Variants in COL11A2 observed in about 807,000 individuals in gnomAD.
The protein encoded by COL11A2 is collagen type XI alpha 2 chain, also known as collagen alpha-2(XI) chain.
Under a neutral mutation model 273.4 loss-of-function variants are expected in COL11A2, and 116 were observed. The observed-to-expected ratio is 0.42, with a 90% CI of 0.36 to 0.49. COL11A2 has a LOEUF of 0.49. COL11A2 is among the 20% of genes least tolerant of loss of function. The probability of loss-of-function intolerance (pLI) is 0.00; values close to 1 mark genes in which losing one functional copy is unlikely to be tolerated. For synonymous variants in COL11A2, 782 were observed against 864.2 expected, an observed-to-expected ratio of 0.90 and a Z score of 1.67; for missense variants, 1,866 against 2,309.0, an observed-to-expected ratio of 0.81 and a Z score of 3.93.
At chr6:33,175,763 C>T (rs866999331) in intron 29 of COL11A2, 82 bp from the exon 30 acceptor site, 1 of 1,365,310 alleles carries the variant, frequency 7.3e-7, no homozygotes, top group Non-Finnish European at 1.0e-6. Flanking sequence ...AACAGTGAGG[C>T]TGAGGAGGGC....
chr6:33,167,540 C>T lies in COL11A2; in HGVS notation c.4015-7G>A. The T allele has an allele frequency of 5.6e-6, 9 of 1,612,714 alleles. No individual in the cohort carries two copies. Among genetic ancestry groups the T allele is most frequent in the Non-Finnish European group, 7.6e-6 (9 of 1,179,936 alleles). ...CTATAGCGCCAGGATCTCCCTGAAA[C>T]ACACACAAGGAATGTGTCCTGAATG... On this transcript the variant is annotated splice_polypyrimidine_tract_variant and splice_region_variant and intron_variant, in intron 55 of 65. Transcript: ENST00000341947. This position sits in a 1 kb window ranked among gnomAD's most constrained non-coding sequence, Gnocchi z 6.1.
rs1036206215 is a variant in COL11A2 at position 33,171,306 on chromosome 6, C to T, written c.3277G>A (p.Gly1093Arg). ...DGDKGEVGDP[G>R]QKGTKGNKGE... ...TTGTTCCCTTTGGTGCCCTTCTGTC[C>T]GGGGTCCCCCACCTCACCCTGGGAG... Residue 1093 changes from glycine (G) to arginine (R), a missense_variant, in exon 44 of 66, where the codon GGA becomes AGA. Gly to Arg is a moderately radical substitution (Grantham distance 125, BLOSUM62 -2). Coordinates refer to ENST00000341947, the MANE Select transcript of COL11A2 (RefSeq NM_080680.3). The T allele has an allele frequency of 2.5e-6, 4 of 1,614,130 alleles. No individual in the cohort carries two copies. The highest frequency in any genetic ancestry group is 2.2e-5 in the East Asian group (1 of 44,874).
chr6:33,167,128 G>A lies in COL11A2; in HGVS notation c.4177-5C>T. The A allele has an allele frequency of 6.2e-7, 1 of 1,614,108 alleles. No individual in the cohort carries two copies. The highest frequency in any genetic ancestry group is 1.1e-5 in the South Asian group (1 of 91,088). The stretch of plus-strand genomic sequence containing the variant: ...ACCAGGCAGCCCTGGGGGTCCCTGT[G>A]GAGAGATGGGAAGTCATTCTCTTAA... On this transcript the variant is annotated splice_polypyrimidine_tract_variant and splice_region_variant and intron_variant, in intron 57 of 65. Transcript: ENST00000341947. This position sits in a 1 kb window ranked among gnomAD's most constrained non-coding sequence, Gnocchi z 6.1.
rs376890125 is a variant in COL11A2 at position 33,188,952 on chromosome 6, C to T, written c.443+26G>A. On this transcript the variant is annotated intron_variant, in intron 3 of 65. Coordinates refer to ENST00000341947, the MANE Select transcript of COL11A2 (RefSeq NM_080680.3). ...CTTCCTCCTGAAAGTGTGGGCCAGG[C>T]AGACCAGAGGAGCAAACAAACTTAC... 4.0e-5 allele frequency: 65 copies of T among 1,613,014 alleles called. No homozygotes were observed. The African/African-American group carries it at 7.6e-4, about 19-fold the overall frequency.
chr6:33,173,306 G>T lies in COL11A2; in HGVS notation c.2736+42C>A. ...AGACAGCTCTGGGGTTAAAGGGTCT[G>T]ATGGAGCCCCCTGAGAATGGGTAGC... On this transcript the variant is annotated intron_variant, in intron 37 of 65. Coordinates refer to ENST00000341947, the MANE Select transcript of COL11A2 (RefSeq NM_080680.3). This position sits in a 1 kb window ranked among gnomAD's most constrained non-coding sequence, Gnocchi z 6.3. 1 of 1,607,614 alleles carries T rather than the reference G, an allele frequency of 6.2e-7. No individual in the cohort carries two copies. Among genetic ancestry groups the T allele is most frequent in the Non-Finnish European group, 8.5e-7 (1 of 1,177,804 alleles).
chr6:33,175,657 T>C lies in COL11A2; in HGVS notation c.2293A>G (p.Arg765Gly), dbSNP rs1353609335. The change falls in exon 30 of 66, where the codon AGG (arginine) becomes GGG (glycine). Residue 765 changes from arginine (R) to glycine (G), a missense_variant. Coordinates refer to ENST00000341947, the MANE Select transcript of COL11A2 (RefSeq NM_080680.3). ...DRGEVGVPGS[R>G]GEDGPEGPKG... The stretch of plus-strand genomic sequence containing the variant: ...GGCCCCTCAGGACCATCCTCTCCCC[T>C]GGAACCAGGGACTCCAACTTCGCCC... 1.2e-6 allele frequency: 2 copies of C among 1,612,694 alleles called. No individual in the cohort carries two copies. The highest frequency in any genetic ancestry group is 1.7e-6 in the Non-Finnish European group (2 of 1,179,958).
Position 33,189,064 on chromosome 6 carries a change from A to C in COL11A2, c.357T>G (p.Pro119=). Residue 119 remains proline (P), a synonymous_variant, in exon 3 of 66, where the codon CCT becomes CCG. Transcript: ENST00000341947. This position sits in a 1 kb window ranked among gnomAD's most constrained non-coding sequence, Gnocchi z 5.6. ...VRQLGLELGR[P]VRFLYEDQTG... ...TCTGGTCTTCATACAGGAAGCGGAC[A>C]GGTCGGCCCAGCTCCAGGCCCAGCT... The C allele has an allele frequency of 6.2e-7, 1 of 1,614,234 alleles. No individual in the cohort carries two copies. Among genetic ancestry groups the C allele is most frequent in the Admixed American group, 1.7e-5 (1 of 60,030 alleles).
At chr6:33,182,604 G>A (rs992275596) in intron 8 of COL11A2, among the ~76,000 whole-genome samples, 3 of 151,988 alleles carry the variant, frequency 2.0e-5, no homozygotes, top group East Asian at 1.9e-4. Flanking sequence ...CCAGCTACTC[G>A]GGAGGCTGAG....
intron 29 of COL11A2, 137 bp from the exon 30 acceptor site, chr6:33,175,818 T>C: frequency 1.9e-6 from 2 of 1,069,738 alleles, no homozygotes; most frequent in South Asian, 1.3e-5. Context: ...GCCCACAGGG[T>C]AGGGATAGTG....
Position 33,167,266 on chromosome 6 carries a change from C to G in COL11A2, c.4174G>C (p.Val1392Leu), listed in dbSNP as rs1769285590. The change falls in exon 57 of 66, where the codon GTG (valine) becomes CTG (leucine). Residue 1392 changes from valine to leucine, a missense_variant and splice_region_variant. Val to Leu is a conservative substitution (Grantham distance 32, BLOSUM62 1). Transcript: ENST00000341947. The surrounding 1 kb of genome is among the most constrained non-coding windows in gnomAD (Gnocchi z 6.1). ...TCAGCCCAATCCCAGTCACTCACCA[C>G]AGGACCTGGGGGCCCAGCCTGGCCT... ...ATGQAGPPGP[V>L]GPPGLPGLRG... 3 of 1,613,958 alleles carry G rather than the reference C, an allele frequency of 1.9e-6. No individual in the cohort carries two copies. Among genetic ancestry groups the G allele is most frequent in the African/African-American group, 1.3e-5 (1 of 74,910 alleles).
In COL11A2 at chr6:33,176,454, G is replaced by A; in HGVS notation, c.2148C>T (p.Tyr716=). The stretch of plus-strand genomic sequence containing the variant: ...TTACCTTGACCCCTCGAGGTCCTGG[G>A]TATCCTAGAGGTCCCTGAGGTCCAG... ...GPSGPQGPLG[Y]PGPRGVKGVD... is the part of the protein sequence containing the mutation. Residue 716 remains tyrosine, a synonymous_variant, in exon 27 of 66, where the codon TAC becomes TAT. Transcript: ENST00000341947. This position sits in a 1 kb window ranked among gnomAD's most constrained non-coding sequence, Gnocchi z 4.9. 1 of 1,612,500 alleles carries A rather than the reference G, an allele frequency of 6.2e-7. No individual in the cohort carries two copies. Among genetic ancestry groups the A allele is most frequent in the Non-Finnish European group, 8.5e-7 (1 of 1,179,792 alleles).
In COL11A2 at chr6:33,189,406, C is replaced by T. The variant is rs1187438185; in HGVS notation, c.146G>A (p.Arg49Lys). ...ATCAGCTGGACAGATGCCTTTCGCT[C>T]TCCGGACACCATCAGGGAGGGAGGG... ...RFPSLPDGVR[R>K]AKGICPADVA... The change falls in exon 2 of 66, where the codon AGA becomes AAA. Residue 49 changes from arginine (R) to lysine (K), a missense_variant. Physicochemically the swap from Arg to Lys is conservative, Grantham distance 26. Transcript: ENST00000341947. This position sits in a 1 kb window ranked among gnomAD's most constrained non-coding sequence, Gnocchi z 5.6. 2 of 1,613,052 alleles carry T rather than the reference C, an allele frequency of 1.2e-6. No individual in the cohort carries two copies. Among genetic ancestry groups the T allele is most frequent in the Non-Finnish European group, 1.7e-6 (2 of 1,180,028 alleles).
rs535403925 is a variant in COL11A2, at chr6:33,170,452, G to A, written c.3529-73C>T. ...TGAGCATGAATGGTGGAGAGAGGAGGAGGAGCAGCCAGGCCAGGGAGTTGG... is the reference window on the plus strand; with the variant it reads ...TGAGCATGAATGGTGGAGAGAGGAGAAGGAGCAGCCAGGCCAGGGAGTTGG... On this transcript the variant is annotated intron_variant, in intron 47 of 65. Transcript: ENST00000341947. The surrounding 1 kb of genome is among the most constrained non-coding windows in gnomAD (Gnocchi z 4.3). 1.7e-4 allele frequency: 273 copies of A among 1,585,698 alleles called. No homozygotes were observed. In the East Asian group the frequency reaches 2.0e-3, roughly 11 times the overall value.
At chr6:33,175,954 C>T (rs886873649) in intron 29 of COL11A2, 62 bp downstream of exon 29, 13 of 1,578,550 alleles carry the variant, frequency 8.2e-6, no homozygotes, top group Admixed American at 3.3e-5. Flanking sequence ...CGGTGCTTGG[C>T]GTCTCCAGAG....
chr6:33,174,540 C>A lies in COL11A2; in HGVS notation c.2417G>T (p.Arg806Leu), dbSNP rs200552277. Residue 806 changes from arginine to leucine, a missense_variant, in exon 31 of 66, where the codon CGT becomes CTT. Transcript: ENST00000341947. The part of the protein sequence containing the change: ...GVPGLPGYPG[R>L]QGPKGSLGFP... ...GCATGGCATCACCTTGGGTCCCTGA[C>A]GTCCAGGATAGCCAGGCAGACCAGG... The A allele has an allele frequency of 1.9e-6, 3 of 1,612,596 alleles. No homozygotes were observed. Among genetic ancestry groups the A allele is most frequent in the Non-Finnish European group, 1.7e-6 (2 of 1,179,918 alleles).
Position 33,165,527 on chromosome 6 carries a change from G to A in COL11A2, c.4750+22C>T. 6.2e-7 allele frequency: 1 copy of A among 1,610,182 alleles called. No individual in the cohort carries two copies. The highest frequency in any genetic ancestry group is 8.5e-7 in the Non-Finnish European group (1 of 1,179,984). On this transcript the variant is annotated intron_variant, in intron 63 of 65. Coordinates refer to ENST00000341947, the MANE Select transcript of COL11A2 (RefSeq NM_080680.3). This position sits in a 1 kb window ranked among gnomAD's most constrained non-coding sequence, Gnocchi z 7.7. ...CCCATGCTGTTGGGGAGATGTTTGT[G>A]CACCCTGAGGCTAGCACTGACCATC...
chr6:33,176,750 C>T lies in COL11A2; in HGVS notation c.2086G>A (p.Glu696Lys). 5 of 1,613,132 alleles carry T rather than the reference C, an allele frequency of 3.1e-6. No homozygotes were observed. Among genetic ancestry groups the T allele is most frequent in the Non-Finnish European group, 4.2e-6 (5 of 1,179,696 alleles). Reference sequence around the variant, plus strand: ...TTTCCTTTGGTTCCAGGGGGACCTTCCTTCCCTGGGTGACCCTGGGAGTAA... The same window carrying T: ...TTTCCTTTGGTTCCAGGGGGACCTTTCTTCCCTGGGTGACCCTGGGAGTAA... ...SDGPPGHPGK[E>K]GPPGTKGNQG... The change falls in exon 26 of 66, where the codon GAA (glutamate) becomes AAA (lysine). Residue 696 changes from glutamate to lysine, a missense_variant. Coordinates refer to ENST00000341947, the MANE Select transcript of COL11A2 (RefSeq NM_080680.3). This position sits in a 1 kb window ranked among gnomAD's most constrained non-coding sequence, Gnocchi z 4.9.
rs1396180756 is a variant in COL11A2, at chr6:33,168,506, C to T, written c.3960+13G>A. ...GACTGCCTCCCAAGGTCTCAGGGGT[C>T]CACCTCACTTACTCGCTTTCCAAGT... is the stretch of plus-strand genomic sequence containing the variant. On this transcript the variant is annotated intron_variant, in intron 54 of 65. Coordinates refer to ENST00000341947, the MANE Select transcript of COL11A2 (RefSeq NM_080680.3). The T allele has an allele frequency of 6.2e-7, 1 of 1,613,412 alleles. No individual in the cohort carries two copies. The highest frequency in any genetic ancestry group is 8.5e-7 in the Non-Finnish European group (1 of 1,179,874).
chr6:33,177,007 G>A lies in COL11A2; in HGVS notation c.2055C>T (p.Gly685=). The A allele has an allele frequency of 6.2e-7, 1 of 1,611,940 alleles. No individual in the cohort carries two copies. The highest frequency in any genetic ancestry group is 8.5e-7 in the Non-Finnish European group (1 of 1,179,468). The change falls in exon 25 of 66, where the codon GGC becomes GGT. Residue 685 remains glycine (G), a synonymous_variant. Coordinates refer to ENST00000341947, the MANE Select transcript of COL11A2 (RefSeq NM_080680.3). The surrounding 1 kb of genome is among the most constrained non-coding windows in gnomAD (Gnocchi z 5.9). ...QGKPGLPGMP[G]SDGPPGHPGK... ...TCCCACTCACCGGGGGTCCGTCTGA[G>A]CCAGGCATGCCGGGGAGCCCTGGCT... is the stretch of plus-strand genomic sequence containing the variant.
Sources: allele counts gnomAD v4.1 joint callset (sites outside exome capture counted in the v4.1 genomes callset), GRCh38; gene constraint gnomAD v4.1.1; non-coding constraint Gnocchi (gnomAD v3.1); transcripts MANE v1.5; gene names NCBI Gene and HGNC (gene_info 2026-07-23, HGNC 2026-07-21).